Variants in MRPS5 observed in about 807,000 individuals in gnomAD.
The protein encoded by MRPS5 is mitochondrial ribosomal protein S5, also known as small ribosomal subunit protein uS5m.
In MRPS5, 27 loss-of-function variants were observed where a neutral mutation model predicts 51.9. The observed-to-expected ratio is 0.52, with a 90% CI of 0.38 to 0.72. The LOEUF (loss-of-function observed/expected upper bound fraction) is 0.72, where lower values mean the gene tolerates loss of function less well. Ranked by LOEUF, MRPS5 falls within the 30% of genes least tolerant of loss-of-function variation. The pLI is 0.00. For synonymous variants in MRPS5, 196 were observed against 193.2 expected, an observed-to-expected ratio of 1.01 and a Z score of -0.12; for missense variants, 570 against 545.7, an observed-to-expected ratio of 1.04 and a Z score of -0.44.
At chr2:95,094,045 C>T (rs1195443881) in intron 10 of MRPS5, among the ~76,000 whole-genome samples, 4 of 152,108 alleles carry the variant, frequency 2.6e-5, no homozygotes, top group Admixed American at 6.5e-5. Flanking sequence ...CTTTAAATGA[C>T]CTGATGGAGC....
intron 11 of MRPS5, among the ~76,000 whole-genome samples, chr2:95,089,723 C>A (rs1373449201): frequency 1.3e-5 from 2 of 152,208 alleles, no homozygotes; most frequent in Non-Finnish European, 2.9e-5. Context: ...CTAGCCCCAA[C>A]TGAAAGGACT....
intron 2 of MRPS5, among the ~76,000 whole-genome samples, chr2:95,116,643 AT>A (rs1327995874): frequency 6.6e-6 from 1 of 152,224 alleles, no homozygotes; most frequent in East Asian, 1.9e-4. Context: ...ATTATTATTA[AT>A]TTCAGACCAT....
chr2:95,112,531 A>G (rs1275016167), intron 3 of MRPS5, among the ~76,000 whole-genome samples: 1 of 152,274 alleles, frequency 6.6e-6, no homozygotes, highest in Admixed American at 6.5e-5. Flanking sequence ...AGATAGGTTT[A>G]TAAGATTCAA....
At chr2:95,117,840 A>T in intron 2 of MRPS5, 25 bp downstream of exon 2, 2 of 1,545,738 alleles carry the variant, frequency 1.3e-6, no homozygotes, top group Non-Finnish European at 1.8e-6. Context: ...TTATGAGAAA[A>T]GGTAGTAGCA....
In MRPS5 at chr2:95,086,431, G is replaced by A. The variant is rs1675290113; in HGVS notation, c.*926C>T. Among the ~76,000 whole-genome samples, 1 of 152,138 alleles carries A rather than the reference G, an allele frequency of 6.6e-6. No homozygotes were observed. Among genetic ancestry groups the A allele is most frequent in the African/African-American group, 2.4e-5 (1 of 41,428 alleles). On this transcript the variant is annotated 3_prime_UTR_variant, in exon 12 of 12. Coordinates refer to ENST00000272418, the MANE Select transcript of MRPS5 (RefSeq NM_031902.5). ...GCATGGATGGTTCAAGAGCAGAATG[G>A]AAAGGAAAGAGTAAATAACCAGTTA...
intron 7 of MRPS5, 52 bp downstream of exon 7, chr2:95,104,588 A>G: frequency 6.3e-7 from 1 of 1,586,682 alleles, no homozygotes; most frequent in Non-Finnish European, 8.7e-7. Context: ...GGCCCGTGCC[A>G]CGCCTTTCCC....
intron 3 of MRPS5, among the ~76,000 whole-genome samples, chr2:95,113,979 G>C (rs1247055592): frequency 1.3e-5 from 2 of 151,560 alleles, no homozygotes; most frequent in Non-Finnish European, 2.9e-5. Flanking sequence ...TATTAGCTGG[G>C]TGTGGTGGCA....
chr2:95,088,924 G>A (rs146020341), intron 11 of MRPS5, among the ~76,000 whole-genome samples: 1,779 of 152,130 alleles, frequency 0.012, 11 homozygotes, highest in Non-Finnish European at 0.017. Flanking sequence ...AAAATTAGCC[G>A]GGCATGGTGG....
rs1316734248 is a variant in MRPS5 at position 95,100,531 on chromosome 2, G to C, written c.874C>G (p.His292Asp). 6 of 1,604,304 alleles carry C rather than the reference G, an allele frequency of 3.7e-6. No homozygotes were observed. Among genetic ancestry groups the C allele is most frequent in the Non-Finnish European group, 5.1e-6 (6 of 1,171,540 alleles). Reference protein sequence around the residue: ...IERYEDHTIFHDISLRFKRTH... With the variant: ...IERYEDHTIFDDISLRFKRTH... ...CTTTTAAATCTTAATGAAATATCATGGAATACTGGAGGGTAAAAACATAAA... is the reference window on the plus strand; with the variant it reads ...CTTTTAAATCTTAATGAAATATCATCGAATACTGGAGGGTAAAAACATAAA... Residue 292 changes from histidine to aspartate, a missense_variant, in exon 10 of 12, where the codon CAT (histidine) becomes GAT (aspartate). By Grantham distance (81) the His-to-Asp change is moderately conservative. Transcript: ENST00000272418.
chr2:95,088,301 G>C (rs1675357261), intron 11 of MRPS5, among the ~76,000 whole-genome samples: 1 of 152,038 alleles, frequency 6.6e-6, no homozygotes, highest in South Asian at 2.1e-4. Context: ...ATTTAGGGTT[G>C]AAATAAAATG....
chr2:95,117,789 T>C, intron 2 of MRPS5, 76 bp downstream of exon 2: 3 of 1,236,738 alleles, frequency 2.4e-6, no homozygotes, highest in Non-Finnish European at 1.1e-6. Flanking sequence ...GGTGATTACT[T>C]ATATTTTTTA....
rs549755351 is a variant in MRPS5 at position 95,105,479 on chromosome 2, G to A, written c.673-749C>T. ...GCAGGAGAATGGCGTCAACCCGGGA[G>A]GTGGAGCTTGCAGTGAGCCGATACC... is the stretch of plus-strand genomic sequence containing the variant. On this transcript the variant is annotated intron_variant, in intron 6 of 11. Transcript: ENST00000272418. Among the ~76,000 whole-genome samples, 3 of 152,184 alleles carry A rather than the reference G, an allele frequency of 2.0e-5. No homozygotes were observed. The South Asian group carries it at 6.2e-4, about 32-fold the overall frequency.
chr2:95,096,648 C>A (rs1008332369), intron 10 of MRPS5, among the ~76,000 whole-genome samples: 2 of 152,150 alleles, frequency 1.3e-5, no homozygotes, highest in African/African-American at 4.8e-5. Flanking sequence ...GCCCTTCATG[C>A]TAAAAACTCT....
rs554740592 is a variant in MRPS5, at chr2:95,087,470, C to T, written c.1180G>A (p.Asp394Asn). Residue 394 changes from aspartate to asparagine, a missense_variant, in exon 12 of 12, where the codon GAT becomes AAT. Coordinates refer to ENST00000272418, the MANE Select transcript of MRPS5 (RefSeq NM_031902.5). ...VASPRGPLRK[D>N]PEPEDEVPDV... ...GGAACCTCATCTTCTGGCTCTGGATCCTTCCTCAAGGGCCCCCGGGGGGAC... is the reference window on the plus strand; with the variant it reads ...GGAACCTCATCTTCTGGCTCTGGATTCTTCCTCAAGGGCCCCCGGGGGGAC... 1.9e-6 allele frequency: 3 copies of T among 1,614,184 alleles called. No homozygotes were observed. The highest frequency in any genetic ancestry group is 2.7e-5 in the African/African-American group (2 of 75,038).
intron 7 of MRPS5, among the ~76,000 whole-genome samples, chr2:95,103,374 TA>T (rs1421004377): frequency 6.6e-6 from 1 of 152,124 alleles, no homozygotes; most frequent in Non-Finnish European, 1.5e-5. Context: ...TCTCATAATT[TA>T]AAAAATGCAA....
rs370930456 is a variant in MRPS5 at position 95,085,604 on chromosome 2, G to C, written c.*1753C>G. Among the ~76,000 whole-genome samples the C allele has an allele frequency of 7.6e-4, 116 of 152,274 alleles. No individual in the cohort carries two copies. Among genetic ancestry groups the C allele is most frequent in the African/African-American group, 2.6e-3 (108 of 41,560 alleles). ...CATGGCCTGCTCCCTATCCCACGGTGCCATTAGGGTGCTCCTCCTACTTCC... is the reference window on the plus strand; with the variant it reads ...CATGGCCTGCTCCCTATCCCACGGTCCCATTAGGGTGCTCCTCCTACTTCC... On this transcript the variant is annotated 3_prime_UTR_variant, in exon 12 of 12. Transcript: ENST00000272418.
chr2:95,107,303 C>T (rs573835795), intron 5 of MRPS5, among the ~76,000 whole-genome samples: 2 of 152,304 alleles, frequency 1.3e-5, no homozygotes, highest in East Asian at 3.9e-4. Flanking sequence ...TCACTCTCCG[C>T]AGATGATTCC....
Position 95,109,818 on chromosome 2 carries a change from A to G in MRPS5, c.403+98T>C, listed in dbSNP as rs538907681. On this transcript the variant is annotated intron_variant, in intron 4 of 11. Coordinates refer to ENST00000272418, the MANE Select transcript of MRPS5 (RefSeq NM_031902.5). ...AAAACCATAGATCGTAGTGCCCTTC[A>G]TAAGAAATGTTTTGATGCTTCTAGT... 34 of 1,381,666 alleles carry G rather than the reference A, an allele frequency of 2.5e-5. No individual in the cohort carries two copies. In the African/African-American group the frequency reaches 4.1e-4, roughly 17 times the overall value. 85.6% of individuals were successfully genotyped at this position (1,381,666 alleles called of 1,614,324 possible).
At chr2:95,121,678 G>A in intron 1 of MRPS5, 56 bp downstream of exon 1, 7 of 1,506,188 alleles carry the variant, frequency 4.6e-6, no homozygotes, top group East Asian at 2.7e-5. Context: ...GGCCCCAGGC[G>A]AGCCCCCCAC....
Sources: gnomAD v4.1 joint callset for allele counts (sites outside exome capture counted in the v4.1 genomes callset) on GRCh38, gnomAD v4.1.1 for gene constraint, MANE v1.5 for transcripts, NCBI Gene and HGNC (gene_info 2026-07-23, HGNC 2026-07-21) for gene names.